The following FSD1L variants were observed in gnomAD, a reference collection of about 807,000 sequenced individuals.
The protein encoded by FSD1L is FSD1-like protein.
In FSD1L, 45 loss-of-function variants were observed where a neutral mutation model predicts 71.6. That is an observed-to-expected ratio of 0.63 (90% confidence interval 0.49 to 0.81). The LOEUF is 0.81. Ranked by LOEUF, FSD1L falls within the 30% of genes least tolerant of loss-of-function variation. The pLI, the probability that FSD1L is intolerant of heterozygous loss-of-function variation, is 0.00. For synonymous variants in FSD1L, 197 were observed against 207.2 expected (o/e 0.95, Z 0.42); for missense variants, 561 against 618.1 (o/e 0.91, Z 0.98).
At chr9:105,539,673 C>T (rs953426468) in intron 13 of FSD1L, among the ~76,000 whole-genome samples, 9 of 152,244 alleles carry the variant, frequency 5.9e-5, no homozygotes, top group South Asian at 4.1e-4. Flanking sequence ...CATTTCCAGT[C>T]CCTAATGGCC....
At chr9:105,496,049 C>T (rs1564113455) in intron 7 of FSD1L, among the ~76,000 whole-genome samples, 1 of 151,110 alleles carries the variant, frequency 6.6e-6, no homozygotes, top group Non-Finnish European at 1.5e-5. Flanking sequence ...CCCTGTCTGG[C>T]TTTTTTTCCC....
intron 7 of FSD1L, among the ~76,000 whole-genome samples, chr9:105,485,390 T>A (rs956293559): frequency 2.0e-5 from 3 of 152,160 alleles, no homozygotes; most frequent in African/African-American, 4.8e-5. Context: ...CCCAGTCTTT[T>A]GAGAAAGACA....
intron 12 of FSD1L, among the ~76,000 whole-genome samples, chr9:105,537,820 C>G (rs1836364575): frequency 6.6e-6 from 1 of 152,086 alleles, no homozygotes; most frequent in Admixed American, 6.6e-5. Context: ...GCCCTTATTG[C>G]CTGGCTAGTG....
intron 1 of FSD1L, among the ~76,000 whole-genome samples, chr9:105,452,911 G>GT (rs1297585762): frequency 2.0e-5 from 3 of 151,864 alleles, no homozygotes; most frequent in South Asian, 2.1e-4. Context: ...TAATTTTTGT[G>GT]TTTTTTGTAG....
intron 8 of FSD1L, among the ~76,000 whole-genome samples, chr9:105,508,145 T>G (rs1834169188): frequency 6.6e-6 from 1 of 150,970 alleles, no homozygotes. Context: ...ATTACAGGCG[T>G]GAGCCACTGC....
rs1383686063 is a variant in FSD1L at position 105,448,250 on chromosome 9, G to A, written c.15+15G>A. On this transcript the variant is annotated intron_variant, in intron 1 of 13. Coordinates refer to ENST00000481272, the MANE Select transcript of FSD1L (RefSeq NM_001145313.3). The stretch of plus-strand genomic sequence containing the variant: ...ACTCCCAGAAAGTAAGCGGGGGAGG[G>A]GAGCCCGGGGCTACCGAGACAAGCC... 3 of 1,535,384 alleles carry A rather than the reference G, an allele frequency of 2.0e-6. No individual in the cohort carries two copies. In the African/African-American group the frequency reaches 4.3e-5, roughly 22 times the overall value.
chr9:105,521,607 C>T (rs1334232444), intron 10 of FSD1L: 1 of 1,613,024 alleles, frequency 6.2e-7, no homozygotes, highest in African/African-American at 1.3e-5. Flanking sequence ...CATGCAAGAG[C>T]CTGAAGAAAT....
chr9:105,548,203 A>AAT lies in FSD1L; in HGVS notation c.*1721_*1722dup, dbSNP rs1837116114. The AAT allele has an allele frequency of 1.3e-5, 2 of 152,052 alleles. No individual in the cohort carries two copies. The highest frequency in any genetic ancestry group is 4.1e-4 in the South Asian group (2 of 4,832). The allele number at this position is 152,052 out of a possible 1,614,324, so 9.4% of individuals were successfully genotyped here. ...CTCTTTTGATTCTCCAAAGAAATAT[A>AAT]ATTTTGGTTTTTGTTCCTCAGAGAG... On this transcript the variant is annotated 3_prime_UTR_variant, in exon 14 of 14. Coordinates refer to ENST00000481272, the MANE Select transcript of FSD1L (RefSeq NM_001145313.3).
intron 7 of FSD1L, among the ~76,000 whole-genome samples, chr9:105,501,859 T>C (rs1008210136): frequency 6.6e-6 from 1 of 152,196 alleles, no homozygotes; most frequent in African/African-American, 2.4e-5. Flanking sequence ...TTCAGAACTT[T>C]TCAGAGATTC....
At chr9:105,483,658 G>C (rs537939951) in intron 6 of FSD1L, among the ~76,000 whole-genome samples, 1 of 152,146 alleles carries the variant, frequency 6.6e-6, no homozygotes, top group Non-Finnish European at 1.5e-5. Flanking sequence ...GGATAAAGTG[G>C]CTTCATTCTT....
At chr9:105,524,093 G>A (rs1589076111) in intron 10 of FSD1L, 19 of 1,611,782 alleles carry the variant, frequency 1.2e-5, no homozygotes, top group East Asian at 4.5e-5. Flanking sequence ...TATTAAGCTC[G>A]GCAAGAGATG....
intron 6 of FSD1L, among the ~76,000 whole-genome samples, chr9:105,481,920 G>T (rs886374223): frequency 1.3e-5 from 2 of 151,854 alleles, no homozygotes; most frequent in Non-Finnish European, 2.9e-5. Context: ...CTGCAGGCAC[G>T]TGCCACCATG....
Position 105,506,419 on chromosome 9 carries a change from G to T in FSD1L, c.607G>T (p.Asp203Tyr). The stretch of plus-strand genomic sequence containing the variant: ...TGCAGTCCCCAAAGCTCCAGAGATA[G>T]ATCCAGTAGAGTGTTTGGTGGCAGA... ...FLPVPKAPEI[D>Y]PVECLVADNS... is the part of the protein sequence containing the mutation. The change falls in exon 8 of 14, where the codon GAT (aspartate) becomes TAT (tyrosine). Residue 203 changes from aspartate to tyrosine, a missense_variant. By Grantham distance (160) the Asp-to-Tyr change is radical. Transcript: ENST00000481272. 6.5e-7 allele frequency: 1 copy of T among 1,550,172 alleles called. No homozygotes were observed. The highest frequency in any genetic ancestry group is 1.2e-5 in the South Asian group (1 of 83,960).
chr9:105,480,583 T>G (rs949703065), intron 6 of FSD1L, among the ~76,000 whole-genome samples: 2 of 152,218 alleles, frequency 1.3e-5, no homozygotes, highest in African/African-American at 4.8e-5. Context: ...TGAGCCATTG[T>G]GCCTGGTCCT....
chr9:105,545,713 T>C (rs1191976907), intron 13 of FSD1L, among the ~76,000 whole-genome samples: 2 of 152,208 alleles, frequency 1.3e-5, no homozygotes, highest in African/African-American at 4.8e-5. Flanking sequence ...TCTGTTTATA[T>C]GCTGGATTAC....
intron 1 of FSD1L, among the ~76,000 whole-genome samples, chr9:105,453,926 C>T (rs1042431331): frequency 6.6e-6 from 1 of 152,160 alleles, no homozygotes; most frequent in African/African-American, 2.4e-5. Flanking sequence ...CACTTCTTCC[C>T]AGCCACAAGG....
intron 6 of FSD1L, 65 bp downstream of exon 6, chr9:105,479,441 A>G: frequency 1.5e-6 from 2 of 1,357,932 alleles, no homozygotes; most frequent in Non-Finnish European, 2.0e-6. Flanking sequence ...ATTCAGAAAT[A>G]GTTTTTTAAT....
intron 1 of FSD1L, among the ~76,000 whole-genome samples, chr9:105,451,954 A>G (rs1263031068): frequency 6.6e-6 from 1 of 152,176 alleles, no homozygotes; most frequent in Non-Finnish European, 1.5e-5. Flanking sequence ...GAGAGCTCAG[A>G]GGAAGGAAGT....
At chr9:105,496,521 A>G (rs749536506) in intron 7 of FSD1L, among the ~76,000 whole-genome samples, 5 of 152,232 alleles carry the variant, frequency 3.3e-5, no homozygotes, top group South Asian at 2.1e-4. Context: ...ATTTCTATCC[A>G]TAAACATTGG....
Sources: allele counts gnomAD v4.1 joint callset (sites outside exome capture counted in the v4.1 genomes callset), GRCh38; gene constraint gnomAD v4.1.1; transcripts MANE v1.5; gene names NCBI Gene and HGNC (gene_info 2026-07-23, HGNC 2026-07-21).